SEPTIN9: variants seen among roughly 807,000 people sequenced by gnomAD.
SEPTIN9 encodes the protein septin-9.
SEPTIN9 carries 13 observed loss-of-function variants against 56.6 expected under a neutral mutation model. The observed-to-expected ratio is 0.23, with a 90% CI of 0.15 to 0.37. The LOEUF (loss-of-function observed/expected upper bound fraction) is 0.37, where lower values mean the gene tolerates loss of function less well. Ranked by LOEUF, SEPTIN9 falls within the 10% of genes least tolerant of loss-of-function variation. The pLI is 1.00. For missense variants in SEPTIN9, 650 were observed against 823.1 expected (o/e 0.79, Z 2.57); for synonymous variants, 332 against 334.1 (o/e 0.99, Z 0.07).
At chr17:77,311,359 G>A (rs542350557) in intron 2 of SEPTIN9, among the ~76,000 whole-genome samples, 58 of 152,152 alleles carry the variant, frequency 3.8e-4, no homozygotes, top group Admixed American at 2.3e-3. Flanking sequence ...CATTATGGCA[G>A]CCACAGGACA....
At chr17:77,374,253 G>C (rs1220795341) in intron 2 of SEPTIN9, 1 of 152,698 alleles carries the variant, frequency 6.5e-6, no homozygotes, top group African/African-American at 2.4e-5. Context: ...GTGCGGGCAG[G>C]GAGAGTATTT....
Position 77,313,421 on chromosome 17 carries a change from G to C in SEPTIN9, c.76+6224G>C, listed in dbSNP as rs1287209167. On this transcript the variant is annotated intron_variant, in intron 2 of 11. Coordinates refer to ENST00000427177, the MANE Select transcript of SEPTIN9 (RefSeq NM_001113491.2). The surrounding 1 kb of genome is among the most constrained non-coding windows in gnomAD (Gnocchi z 4.5). ...GTTTGCACCAGTAAACCCTGCAGCG[G>C]CCCCAAGGGCAGAGATAGCTGGATT... 6.6e-6 allele frequency among the ~76,000 whole-genome samples: 1 copy of C among 152,264 alleles called. No individual in the cohort carries two copies. The highest frequency in any genetic ancestry group is 1.5e-5 in the Non-Finnish European group (1 of 68,050).
At chr17:77,315,873 G>A (rs1837575664) in intron 2 of SEPTIN9, among the ~76,000 whole-genome samples, 1 of 152,200 alleles carries the variant, frequency 6.6e-6, no homozygotes, top group African/African-American at 2.4e-5. Context: ...CCTGAGAACT[G>A]TCTGGAAGGG....
chr17:77,395,061 T>G (rs574463015), intron 2 of SEPTIN9, among the ~76,000 whole-genome samples: 2 of 149,874 alleles, frequency 1.3e-5, no homozygotes, highest in Admixed American at 1.3e-4. Context: ...TCAAGGTCTG[T>G]GTATGTGTGT....
chr17:77,414,295 G>A (rs572225632), intron 3 of SEPTIN9, among the ~76,000 whole-genome samples: 2 of 151,708 alleles, frequency 1.3e-5, no homozygotes, highest in South Asian at 2.1e-4. Context: ...GGCTGGTCTC[G>A]AACTCCTGAC....
At chr17:77,484,262 T>TGATGGTGGTGGTGGTGATGGTGG (rs1555678420) in intron 4 of SEPTIN9, 1 of 145,790 alleles carries the variant, frequency 6.9e-6, no homozygotes, top group Non-Finnish European at 1.5e-5. Context: ...GGGATGATGG[T>TGATGGTGGTGGTGGTGATGGTGG]GATGGTGGTG....
rs2033266912 is a variant in SEPTIN9, at chr17:77,329,503, G to C, written c.76+22306G>C. 6.6e-6 allele frequency among the ~76,000 whole-genome samples: 1 copy of C among 152,196 alleles called. No individual in the cohort carries two copies. Among genetic ancestry groups the C allele is most frequent in the Admixed American group, 6.5e-5 (1 of 15,288 alleles). ...TACACTTGGCCGTGGGTGAGGCCAAGGTGGTTTGGATCCTGGGAAGGTTGG... is the reference window on the plus strand; with the variant it reads ...TACACTTGGCCGTGGGTGAGGCCAACGTGGTTTGGATCCTGGGAAGGTTGG... On this transcript the variant is annotated intron_variant, in intron 2 of 11. Transcript: ENST00000427177. This position sits in a 1 kb window ranked among gnomAD's most constrained non-coding sequence, Gnocchi z 4.3.
intron 3 of SEPTIN9, chr17:77,466,441 G>A (rs1461943849): frequency 2.0e-6 from 2 of 985,532 alleles, no homozygotes; most frequent in East Asian, 2.3e-4. Context: ...CACCCCAGGA[G>A]CTTCCAGGTT....
chr17:77,409,600 G>A (rs1297656062), intron 3 of SEPTIN9, among the ~76,000 whole-genome samples: 1 of 152,206 alleles, frequency 6.6e-6, no homozygotes, highest in Non-Finnish European at 1.5e-5. Flanking sequence ...CTGGCCCCAG[G>A]ATGGAGCCCC....
intron 4 of SEPTIN9, among the ~76,000 whole-genome samples, chr17:77,485,783 A>T (rs1216648607): frequency 6.6e-6 from 1 of 152,066 alleles, no homozygotes; most frequent in African/African-American, 2.4e-5. Flanking sequence ...CCAGGAGCCC[A>T]CACTTTTCCT....
intron 3 of SEPTIN9, chr17:77,469,713 T>A (rs2038895376): frequency 6.6e-6 from 1 of 152,092 alleles, no homozygotes; most frequent in African/African-American, 2.4e-5. Context: ...AGGGTATGTG[T>A]GTGTTTCTGA....
At chr17:77,455,112 T>G (rs2038141438) in intron 3 of SEPTIN9, among the ~76,000 whole-genome samples, 1 of 152,064 alleles carries the variant, frequency 6.6e-6, no homozygotes, top group African/African-American at 2.4e-5. Flanking sequence ...AATGCATTCA[T>G]TTGGGTTCAG....
At position 77,367,116 on chromosome 17, in the gene SEPTIN9, C is replaced by T. The variant is rs999309094; in HGVS notation, c.77-34943C>T. 2.0e-5 allele frequency among the ~76,000 whole-genome samples: 3 copies of T among 152,132 alleles called. No individual in the cohort carries two copies. Among genetic ancestry groups the T allele is most frequent in the South Asian group, 2.1e-4 (1 of 4,822 alleles). ...GTGATGGGGTGTGGTAGCTGCACAC[C>T]GGCTCAGTCAGGCTGAATGGGGAAA... On this transcript the variant is annotated intron_variant, in intron 2 of 11. Transcript: ENST00000427177. The surrounding 1 kb of genome is among the most constrained non-coding windows in gnomAD (Gnocchi z 4.5).
At chr17:77,339,816 GTT>G (rs112789192) in intron 2 of SEPTIN9, among the ~76,000 whole-genome samples, 3 of 90,292 alleles carry the variant, frequency 3.3e-5, no homozygotes, top group African/African-American at 7.6e-5. Flanking sequence ...GGCCCTATTT[GTT>G]TTTTTTTTGT....
chr17:77,474,891 G>A (rs1397873577), intron 3 of SEPTIN9, among the ~76,000 whole-genome samples: 1 of 152,088 alleles, frequency 6.6e-6, no homozygotes, highest in Non-Finnish European at 1.5e-5. Flanking sequence ...CTGGGGCTCG[G>A]TGCAGTGGCT....
chr17:77,500,394 G>C lies in SEPTIN9; in HGVS notation c.*1736G>C. The C allele has an allele frequency of 4.8e-6, 1 of 207,876 alleles. No homozygotes were observed. Among genetic ancestry groups the C allele is most frequent in the Non-Finnish European group, 9.9e-6 (1 of 101,286 alleles). 12.9% of individuals were successfully genotyped at this position (207,876 alleles called of 1,614,324 possible). ...GTCACTTGGTGGCGGGGTGGGGTGGGGGTGGGCAGCAGCATCCCAGCCTTG... is the reference window on the plus strand; with the variant it reads ...GTCACTTGGTGGCGGGGTGGGGTGGCGGTGGGCAGCAGCATCCCAGCCTTG... On this transcript the variant is annotated 3_prime_UTR_variant, in exon 12 of 12. Transcript: ENST00000427177.
chr17:77,465,458 C>T (rs756477934), intron 3 of SEPTIN9, among the ~76,000 whole-genome samples: 1 of 152,166 alleles, frequency 6.6e-6, no homozygotes, highest in Non-Finnish European at 1.5e-5. Context: ...CCAGGTGCTG[C>T]GAGTCCGTGT....
chr17:77,418,093 A>G (rs1432695507), intron 3 of SEPTIN9, among the ~76,000 whole-genome samples: 2 of 152,066 alleles, frequency 1.3e-5, no homozygotes, highest in African/African-American at 4.8e-5. Flanking sequence ...ACGTTGCGGC[A>G]CCTTACAGCC....
intron 2 of SEPTIN9, among the ~76,000 whole-genome samples, chr17:77,312,264 C>T (rs1377498514): frequency 1.3e-5 from 2 of 152,192 alleles, no homozygotes; most frequent in African/African-American, 2.4e-5. Context: ...ATCCCTCCAC[C>T]CGATCATTTC....
Sources: allele counts gnomAD v4.1 joint callset (sites outside exome capture counted in the v4.1 genomes callset), GRCh38; gene constraint gnomAD v4.1.1; non-coding constraint Gnocchi (gnomAD v3.1); transcripts MANE v1.5; gene names NCBI Gene and HGNC (gene_info 2026-07-23, HGNC 2026-07-21).